The following ZNF175 variants were observed in gnomAD, a reference collection of about 807,000 sequenced individuals.
ZNF175 encodes zinc finger protein OTK18.
Under a neutral mutation model 14.0 loss-of-function variants are expected in ZNF175, and 8 were observed. The observed-to-expected ratio is 0.57, with a 90% CI of 0.34 to 1.03. ZNF175 has a LOEUF of 1.03. ZNF175 is among the 50% of genes least tolerant of loss of function. The pLI, the probability that ZNF175 is intolerant of heterozygous loss-of-function variation, is 0.03. For missense variants in ZNF175, 764 were observed against 849.5 expected (o/e 0.90, Z 1.25); for synonymous variants, 255 against 296.8 (o/e 0.86, Z 1.45).
At chr19:51,578,697 G>A (rs1981892899) in intron 2 of ZNF175, among the ~76,000 whole-genome samples, 1 of 152,192 alleles carries the variant, frequency 6.6e-6, no homozygotes, top group African/African-American at 2.4e-5. Flanking sequence ...GAGCCCGGAG[G>A]TCGAGGCTGC....
rs561318730 is a variant in ZNF175 at position 51,580,149 on chromosome 19, C to T, written c.73-1242C>T. On this transcript the variant is annotated intron_variant, in intron 2 of 4. Transcript: ENST00000262259. The stretch of plus-strand genomic sequence containing the variant: ...AAGTTATATGTGTGGCTCACATTCA[C>T]GGTTCATGTTTTATTTCCATTGGAT... 5.3e-5 allele frequency among the ~76,000 whole-genome samples: 8 copies of T among 152,202 alleles called. No individual in the cohort carries two copies. In the South Asian group the frequency reaches 1.0e-3, roughly 20 times the overall value.
At chr19:51,575,753 C>G (rs1981757503) in intron 2 of ZNF175, among the ~76,000 whole-genome samples, 1 of 152,108 alleles carries the variant, frequency 6.6e-6, no homozygotes, top group Non-Finnish European at 1.5e-5. Flanking sequence ...ATATTGCTGC[C>G]TCTTGGATTG....
At chr19:51,578,548 G>C (rs542293510) in intron 2 of ZNF175, among the ~76,000 whole-genome samples, 2 of 152,282 alleles carry the variant, frequency 1.3e-5, no homozygotes, top group African/African-American at 4.8e-5. Context: ...TGGGAGGATT[G>C]CTTGAGCCCA....
chr19:51,584,951 AC>A (rs1982119228), intron 4 of ZNF175, among the ~76,000 whole-genome samples: 2 of 152,210 alleles, frequency 1.3e-5, no homozygotes, highest in South Asian at 4.1e-4. Flanking sequence ...ACATAAAATT[AC>A]CATATGATCC....
intron 4 of ZNF175, among the ~76,000 whole-genome samples, chr19:51,583,676 T>G (rs968912022): frequency 2.0e-5 from 3 of 152,210 alleles, no homozygotes; most frequent in African/African-American, 7.2e-5. Flanking sequence ...CCTCAGTAGA[T>G]ATGATAAAAA....
intron 2 of ZNF175, among the ~76,000 whole-genome samples, chr19:51,577,842 T>G (rs532969698): frequency 6.6e-6 from 1 of 151,586 alleles, no homozygotes; most frequent in South Asian, 2.1e-4. Context: ...TTTTTGTATT[T>G]TTAGTAGAGA....
rs573440113 is a variant in ZNF175, at chr19:51,587,325, G to T, written c.994G>T (p.Asp332Tyr). The change falls in exon 5 of 5, where the codon GAT becomes TAT. Residue 332 changes from aspartate to tyrosine, a missense_variant. Asp to Tyr is a radical substitution (Grantham distance 160). Transcript: ENST00000262259. ...TGTATATCTGACAGATCATACAGGT[G>T]ATATACCCTGTATATGCAAGGAATG... Reference protein sequence around the residue: ...LSVYLTDHTGDIPCICKECGK... With the variant: ...LSVYLTDHTGYIPCICKECGK... The T allele has an allele frequency of 4.6e-5, 74 of 1,614,030 alleles. No homozygotes were observed. Among genetic ancestry groups the T allele is most frequent in the Non-Finnish European group, 5.8e-5 (68 of 1,180,012 alleles).
intron 2 of ZNF175, among the ~76,000 whole-genome samples, chr19:51,579,186 G>T (rs2122566205): frequency 6.8e-6 from 1 of 146,138 alleles, no homozygotes; most frequent in East Asian, 2.1e-4. Flanking sequence ...CCAGGAGTCA[G>T]AGGCTGCAGT....
At chr19:51,571,853 CAG>C (rs1298632007) in intron 1 of ZNF175, among the ~76,000 whole-genome samples, 2 of 152,186 alleles carry the variant, frequency 1.3e-5, no homozygotes. Context: ...GTAACACTCT[CAG>C]GGGACCAGTG....
chr19:51,573,010 C>G, intron 1 of ZNF175, 140 bp from the exon 2 acceptor site: 1 of 307,922 alleles, frequency 3.2e-6, no homozygotes. Context: ...TTATTTTTAA[C>G]CCTGACTAAT....
At position 51,588,281 on chromosome 19, in the gene ZNF175, A is replaced by G. The variant is rs2122579572; in HGVS notation, c.1950A>G (p.Lys650=). 1 of 1,614,116 alleles carries G rather than the reference A, an allele frequency of 6.2e-7. No individual in the cohort carries two copies. ...EKPYECLDCG[K]SFSKKPQLKV... ...CCTATGAATGCCTTGACTGTGGGAA[A>G]TCGTTCAGTAAGAAACCACAACTCA... Residue 650 remains lysine (K), a synonymous_variant, in exon 5 of 5, where the codon AAA becomes AAG. Transcript: ENST00000262259.
chr19:51,583,144 C>T (rs1205374061), intron 4 of ZNF175, among the ~76,000 whole-genome samples: 2 of 152,144 alleles, frequency 1.3e-5, no homozygotes, highest in Non-Finnish European at 2.9e-5. Flanking sequence ...CGTGAGCCAC[C>T]GTGCCCGGCT....
chr19:51,577,411 T>A (rs1457658043), intron 2 of ZNF175, among the ~76,000 whole-genome samples: 2 of 152,210 alleles, frequency 1.3e-5, no homozygotes, highest in African/African-American at 4.8e-5. Flanking sequence ...TTTTGGACCC[T>A]CTTTCTGGAA....
chr19:51,575,208 G>GTTTTTTTTTTTTTTTTTTTTTTTTT lies in ZNF175; in HGVS notation c.72+1807_72+1808insTTTTTTTTTTTTTTTTTTTTTTTTT, dbSNP rs1491081799. 5.0e-5 allele frequency among the ~76,000 whole-genome samples: 5 copies of GTTTTTTTTTTTTTTTTTTTTTTTTT among 99,202 alleles called. 2 individuals carry two copies. The allele number at this position is 99,202 out of a possible 152,430, so 65.1% of individuals were successfully genotyped here. A position where few individuals can be genotyped will look rare whatever the true frequency, so the allele number is the denominator to read the frequency against. ...GGTTTAGCCTCCGGATTTTTAGAGA[G>GTTTTTTTTTTTTTTTTTTTTTTTTT]GTTTTTTTTTTTTTTTTTTTTTTTT... On this transcript the variant is annotated intron_variant, in intron 2 of 4. Coordinates refer to ENST00000262259, the MANE Select transcript of ZNF175 (RefSeq NM_007147.4).
chr19:51,577,661 CTCTT>C (rs1485655680), intron 2 of ZNF175, among the ~76,000 whole-genome samples: 4 of 134,732 alleles, frequency 3.0e-5, no homozygotes, highest in Non-Finnish European at 6.3e-5. Context: ...TCCTTTCTCT[CTCTT>C]TTTTTTTTTT....
Position 51,586,655 on chromosome 19 carries a change from A to G in ZNF175, c.324A>G (p.Gln108=). The G allele has an allele frequency of 2.5e-6, 4 of 1,599,388 alleles. No individual in the cohort carries two copies. The highest frequency in any genetic ancestry group is 3.4e-6 in the Non-Finnish European group (4 of 1,173,418). ...GGGAGTTTGGGCTTGAAATCCCACA[A>G]AAGGAGATTTCTAAGAAAGCTTCAT... The part of the protein sequence containing the change: ...QEREFGLEIP[Q]KEISKKASFQ... Residue 108 remains glutamine (Q), a synonymous_variant, in exon 5 of 5, where the codon CAA becomes CAG. Transcript: ENST00000262259.
In ZNF175 at chr19:51,581,438, G is replaced by C; in HGVS notation, c.120G>C (p.Glu40Asp). 6.2e-7 allele frequency: 1 copy of C among 1,613,774 alleles called. No homozygotes were observed. Among genetic ancestry groups the C allele is most frequent in the Non-Finnish European group, 8.5e-7 (1 of 1,180,044 alleles). The change falls in exon 3 of 5, where the codon GAG becomes GAC. Residue 40 changes from glutamate to aspartate, a missense_variant. By Grantham distance (45) the Glu-to-Asp change is conservative. Coordinates refer to ENST00000262259, the MANE Select transcript of ZNF175 (RefSeq NM_007147.4). ...EDVTVDFSRE[E>D]WQQLDPAQRC... Reference sequence around the variant, plus strand: ...TGACCGTGGACTTCAGCAGGGAGGAGTGGCAGCAACTGGACCCTGCCCAGA... The same window carrying C: ...TGACCGTGGACTTCAGCAGGGAGGACTGGCAGCAACTGGACCCTGCCCAGA...
At chr19:51,585,303 G>A (rs929727277) in intron 4 of ZNF175, among the ~76,000 whole-genome samples, 3 of 152,192 alleles carry the variant, frequency 2.0e-5, no homozygotes, top group Admixed American at 2.0e-4. Context: ...GTGGCTGCCA[G>A]AGAATGAGGG....
In ZNF175 at chr19:51,588,591, GATGCACTGC is replaced by G. The variant is rs1982257315; in HGVS notation, c.*128_*136del. The stretch of plus-strand genomic sequence containing the variant: ...ATTCATGCTTCAGAAAAACTCTAGG[GATGCACTGC>G]ATGTGTGAACACATGATAAAAAAGT... On this transcript the variant is annotated 3_prime_UTR_variant, in exon 5 of 5. Coordinates refer to ENST00000262259, the MANE Select transcript of ZNF175 (RefSeq NM_007147.4). 6.4e-6 allele frequency: 7 copies of G among 1,099,566 alleles called. No homozygotes were observed. The highest frequency in any genetic ancestry group is 6.2e-6 in the Non-Finnish European group (5 of 801,338). 68.1% of individuals were successfully genotyped at this position (1,099,566 alleles called of 1,614,324 possible).
Sources: gnomAD v4.1 joint callset for allele counts (sites outside exome capture counted in the v4.1 genomes callset) on GRCh38, gnomAD v4.1.1 for gene constraint, MANE v1.5 for transcripts, NCBI Gene and HGNC (gene_info 2026-07-23, HGNC 2026-07-21) for gene names.